Variants in KCNK2 observed in about 807,000 individuals in gnomAD.
KCNK2 encodes the protein potassium channel subfamily K member 2.
KCNK2 carries 21 observed loss-of-function variants against 40.5 expected under a neutral mutation model. The ratio of observed to expected loss-of-function variants is 0.52; its 90% confidence interval spans 0.37 to 0.75. The LOEUF (loss-of-function observed/expected upper bound fraction) is 0.75. Among genes scored for constraint, KCNK2 ranks in the 30% least tolerant of loss-of-function variants. The probability of loss-of-function intolerance (pLI) is 0.00; values close to 1 mark genes in which losing one functional copy is unlikely to be tolerated. For missense variants in KCNK2, 399 were observed against 531.6 expected (o/e 0.75, Z 2.45); for synonymous variants, 191 against 202.2 (o/e 0.94, Z 0.47).
At chr1:215,141,947 T>C (rs1331944374) in intron 3 of KCNK2, among the ~76,000 whole-genome samples, 1 of 152,122 alleles carries the variant, frequency 6.6e-6, no homozygotes, top group East Asian at 1.9e-4. Context: ...GAAAATTTTC[T>C]GTTGCTTTCG....
chr1:215,204,200 T>A (rs1665211801), intron 6 of KCNK2, among the ~76,000 whole-genome samples: 1 of 151,670 alleles, frequency 6.6e-6, no homozygotes, highest in African/African-American at 2.4e-5. Context: ...CTTCCTTTTA[T>A]TAAACTAAGA....
At chr1:215,165,188 T>C (rs965310727) in intron 3 of KCNK2, among the ~76,000 whole-genome samples, 1 of 152,174 alleles carries the variant, frequency 6.6e-6, no homozygotes, top group Admixed American at 6.6e-5. Context: ...TTGCACCAAT[T>C]GATTTGTTCT....
chr1:215,075,408 C>T (rs972232459), intron 1 of KCNK2, among the ~76,000 whole-genome samples: 1 of 152,160 alleles, frequency 6.6e-6, no homozygotes, highest in African/African-American at 2.4e-5. Flanking sequence ...GAAACCCACT[C>T]AGGAATTCAA....
chr1:215,199,191 C>T (rs1032946620), intron 6 of KCNK2, among the ~76,000 whole-genome samples: 2 of 151,818 alleles, frequency 1.3e-5, no homozygotes, highest in Admixed American at 1.3e-4. Context: ...GCCTGTAGTC[C>T]CAGCTACTCA....
rs72650002 is a variant in KCNK2, at chr1:215,181,031, G to A, written c.823+8848G>A. Among the ~76,000 whole-genome samples the A allele has an allele frequency of 1.9e-3, 290 of 152,164 alleles. 6 individuals carry two copies. The East Asian group carries it at 0.049, about 26-fold the overall frequency. ...AGATTTTGCCACTTTACATAATCCT[G>A]TATTTCTGAAGGACTTTCTTTACTT... is the stretch of plus-strand genomic sequence containing the variant. On this transcript the variant is annotated intron_variant, in intron 5 of 6. Transcript: ENST00000444842.
At chr1:215,056,615 CTTTTTTTTT>C (rs34925678) in intron 1 of KCNK2, among the ~76,000 whole-genome samples, 1 of 103,984 alleles carries the variant, frequency 9.6e-6, no homozygotes, top group Non-Finnish European at 1.7e-5. Context: ...TGTGTCCACT[CTTTTTTTTT>C]TTTTTTTTTT....
At chr1:215,201,981 G>A (rs1414835335) in intron 6 of KCNK2, among the ~76,000 whole-genome samples, 2 of 151,986 alleles carry the variant, frequency 1.3e-5, no homozygotes, top group Non-Finnish European at 2.9e-5. Flanking sequence ...GGGCAGGGGG[G>A]CAATACTGTT....
At position 215,083,220 on chromosome 1, in the gene KCNK2, A is replaced by ACCCCCCCCCCCC; in HGVS notation, c.-166_-165insCCCCCCCCCCCC. 4.0e-6 allele frequency: 2 copies of ACCCCCCCCCCCC among 505,146 alleles called. No homozygotes were observed. The highest frequency in any genetic ancestry group is 2.7e-6 in the Non-Finnish European group (1 of 368,036). 31.3% of individuals were successfully genotyped at this position (505,146 alleles called of 1,614,324 possible). A position where few individuals can be genotyped will look rare whatever the true frequency, so the allele number is the denominator to read the frequency against. On this transcript the variant is annotated 5_prime_UTR_variant, in exon 1 of 7. Coordinates refer to ENST00000444842, the MANE Select transcript of KCNK2 (RefSeq NM_001017425.3). ...CCCCCCCCCGCCCCCTCCCGCGTCCAGCCCCGCTCTCCCCACCTTGTAAAA... is the reference window on the plus strand; with the variant it reads ...CCCCCCCCCGCCCCCTCCCGCGTCCACCCCCCCCCCCCGCCCCGCTCTCCCCACCTTGTAAAA...
intron 2 of KCNK2, among the ~76,000 whole-genome samples, chr1:215,088,996 T>G (rs1023685608): frequency 9.8e-5 from 15 of 152,334 alleles, no homozygotes; most frequent in African/African-American, 3.4e-4. Flanking sequence ...TAAACATAAT[T>G]TATTTTGATA....
intron 3 of KCNK2, among the ~76,000 whole-genome samples, chr1:215,145,286 C>T (rs1662365397): frequency 6.6e-6 from 1 of 152,024 alleles, no homozygotes; most frequent in Non-Finnish European, 1.5e-5. Context: ...ATTATGTATT[C>T]CTTTTACTGT....
At chr1:215,024,709 A>G (rs1389027032) in intron 1 of KCNK2, among the ~76,000 whole-genome samples, 1 of 152,182 alleles carries the variant, frequency 6.6e-6, no homozygotes, top group Non-Finnish European at 1.5e-5. Context: ...AAACAAAACA[A>G]AACAAAACAT....
At chr1:215,019,637 T>G (rs2802651) in intron 1 of KCNK2, among the ~76,000 whole-genome samples, 66,855 of 152,114 alleles carry the variant, frequency 0.44, 16,390 homozygotes, top group Non-Finnish European at 0.55. Context: ...CCTTCTATGT[T>G]ATTGGAATTA....
chr1:215,023,963 T>C (rs1240104846), intron 1 of KCNK2, among the ~76,000 whole-genome samples: 1 of 152,212 alleles, frequency 6.6e-6, no homozygotes, highest in Non-Finnish European at 1.5e-5. Context: ...TCTGCATACC[T>C]AGCTCTGCGG....
At chr1:215,166,561 A>T (rs1245385013) in intron 3 of KCNK2, among the ~76,000 whole-genome samples, 1 of 152,072 alleles carries the variant, frequency 6.6e-6, no homozygotes, top group Non-Finnish European at 1.5e-5. Flanking sequence ...CCTGAGAAAC[A>T]GTAAGGCAGC....
chr1:215,132,385 CTG>C, intron 3 of KCNK2, among the ~76,000 whole-genome samples: 1 of 152,262 alleles, frequency 6.6e-6, no homozygotes, highest in East Asian at 1.9e-4. Context: ...ACTCATAACT[CTG>C]TGGCATTTCA....
intron 2 of KCNK2, among the ~76,000 whole-genome samples, chr1:215,103,521 C>T: frequency 6.6e-6 from 1 of 152,070 alleles, no homozygotes; most frequent in South Asian, 2.1e-4. Flanking sequence ...TATTTTCTCT[C>T]TGGTTAACGA....
intron 3 of KCNK2, among the ~76,000 whole-genome samples, chr1:215,134,084 G>C (rs1433964956): frequency 7.1e-6 from 1 of 141,532 alleles, no homozygotes; most frequent in Non-Finnish European, 1.5e-5. Flanking sequence ...AGTTAGAGAA[G>C]AAAAAATGAA....
intron 6 of KCNK2, among the ~76,000 whole-genome samples, chr1:215,228,251 C>A (rs182922629): frequency 6.6e-4 from 100 of 152,212 alleles, no homozygotes; most frequent in Non-Finnish European, 1.2e-3. Flanking sequence ...AGAAAATTGA[C>A]CCGAACAGTG....
Position 215,210,035 on chromosome 1 carries a change from A to T in KCNK2, c.963+14943A>T, listed in dbSNP as rs1186879321. 5.0e-4 allele frequency among the ~76,000 whole-genome samples: 28 copies of T among 56,356 alleles called. No homozygotes were observed. In the South Asian group the frequency reaches 0.023, roughly 47 times the overall value. The allele number at this position is 56,356 out of a possible 152,430, so 37.0% of individuals were successfully genotyped here. ...TAATATATAATATATATTATATATAATATATATAATATATATATACACACA... is the reference window on the plus strand; with the variant it reads ...TAATATATAATATATATTATATATATTATATATAATATATATATACACACA... On this transcript the variant is annotated intron_variant, in intron 6 of 6. Coordinates refer to ENST00000444842, the MANE Select transcript of KCNK2 (RefSeq NM_001017425.3).
Sources: allele counts gnomAD v4.1 joint callset (sites outside exome capture counted in the v4.1 genomes callset), GRCh38; gene constraint gnomAD v4.1.1; transcripts MANE v1.5; gene names NCBI Gene and HGNC (gene_info 2026-07-23, HGNC 2026-07-21).